Variants in POU6F2 observed in about 807,000 individuals in gnomAD.
POU6F2 encodes POU class 6 homeobox 2, also known as POU domain, class 6, transcription factor 2.
POU6F2 carries 31 observed loss-of-function variants against 71.3 expected under a neutral mutation model. That is an observed-to-expected ratio of 0.43 (90% confidence interval 0.33 to 0.59). The LOEUF (loss-of-function observed/expected upper bound fraction) is 0.59. POU6F2 is among the 20% of genes least tolerant of loss of function. The pLI is 0.04. For missense variants in POU6F2, 783 were observed against 856.8 expected, an observed-to-expected ratio of 0.91 and a Z score of 1.07; for synonymous variants, 347 against 355.7, an observed-to-expected ratio of 0.98 and a Z score of 0.27.
At chr7:39,013,322 C>G (rs1043298420) in intron 1 of POU6F2, 2 of 152,312 alleles carry the variant, frequency 1.3e-5, no homozygotes, top group African/African-American at 4.8e-5. Flanking sequence ...TTCTTTGACT[C>G]GGAAAGGGAA....
intron 1 of POU6F2, among the ~76,000 whole-genome samples, chr7:39,002,958 T>C (rs1474377031): frequency 6.6e-6 from 1 of 152,240 alleles, no homozygotes; most frequent in Non-Finnish European, 1.5e-5. Flanking sequence ...TGCTGTTAGT[T>C]ATACTAAGAC....
intron 4 of POU6F2, among the ~76,000 whole-genome samples, chr7:39,235,023 C>A (rs374244817): frequency 6.6e-6 from 1 of 152,182 alleles, no homozygotes. Flanking sequence ...GCGTTTGTAG[C>A]GCCTTGTAGA....
At chr7:39,365,665 G>A (rs6979897) in intron 5 of POU6F2, among the ~76,000 whole-genome samples, 29,764 of 151,904 alleles carry the variant, frequency 0.2, 3,443 homozygotes, top group East Asian at 0.59. Context: ...CAGAATCTAC[G>A]ATGCACTCAA....
intron 4 of POU6F2, among the ~76,000 whole-genome samples, chr7:39,250,493 T>C (rs1280423784): frequency 6.6e-6 from 1 of 152,244 alleles, no homozygotes; most frequent in East Asian, 1.9e-4. Context: ...AATAGCCACC[T>C]TCCATTTAAC....
chr7:38,986,503 C>T (rs901294532), intron 1 of POU6F2, among the ~76,000 whole-genome samples: 2 of 152,108 alleles, frequency 1.3e-5, no homozygotes, highest in Non-Finnish European at 2.9e-5. Context: ...TTGCTTTCTC[C>T]CTTTCTACCT....
intron 4 of POU6F2, among the ~76,000 whole-genome samples, chr7:39,330,065 C>A (rs1256071483): frequency 2.6e-5 from 4 of 152,146 alleles, no homozygotes; most frequent in Non-Finnish European, 4.4e-5. Flanking sequence ...CTCAGCCATC[C>A]TCCTCTCCAC....
intron 1 of POU6F2, among the ~76,000 whole-genome samples, chr7:39,064,953 T>C (rs1790728128): frequency 6.6e-6 from 1 of 151,882 alleles, no homozygotes; most frequent in African/African-American, 2.4e-5. Context: ...AATGCGAAGT[T>C]GATTAAAAAC....
intron 5 of POU6F2, among the ~76,000 whole-genome samples, chr7:39,367,860 G>C (rs967499289): frequency 1.3e-5 from 2 of 152,160 alleles, no homozygotes; most frequent in African/African-American, 4.8e-5. Context: ...ATGGTGATCT[G>C]TGGGCAGTGA....
intron 1 of POU6F2, among the ~76,000 whole-genome samples, chr7:39,011,781 G>A (rs1184184556): frequency 6.7e-6 from 1 of 148,214 alleles, no homozygotes; most frequent in African/African-American, 2.5e-5. Flanking sequence ...CTTCACTTAT[G>A]AAGCTTAGTT....
chr7:39,398,448 T>C (rs944290669), intron 5 of POU6F2, among the ~76,000 whole-genome samples: 1 of 151,582 alleles, frequency 6.6e-6, no homozygotes, highest in Non-Finnish European at 1.5e-5. Context: ...GTTCCTACAA[T>C]GATCAAATCA....
intron 5 of POU6F2, among the ~76,000 whole-genome samples, chr7:39,352,696 A>G (rs1583544919): frequency 6.6e-6 from 1 of 152,260 alleles, no homozygotes; most frequent in Middle Eastern, 3.4e-3. Flanking sequence ...TTTACTTTAT[A>G]ATAATTGGAA....
intron 8 of POU6F2, among the ~76,000 whole-genome samples, chr7:39,456,764 G>A (rs1348927266): frequency 1.3e-5 from 2 of 152,212 alleles, no homozygotes; most frequent in African/African-American, 4.8e-5. Context: ...GCAGAGAGAT[G>A]CTACTTTGTC....
In POU6F2 at chr7:39,466,643, C is replaced by T. The variant is rs1011788368; in HGVS notation, c.*1957C>T. 2.0e-5 allele frequency: 3 copies of T among 152,204 alleles called. No individual in the cohort carries two copies. Among genetic ancestry groups the T allele is most frequent in the Non-Finnish European group, 4.4e-5 (3 of 68,048 alleles). 9.4% of individuals were successfully genotyped at this position (152,204 alleles called of 1,614,324 possible). On this transcript the variant is annotated 3_prime_UTR_variant, in exon 10 of 10. Coordinates refer to ENST00000518318, the MANE Select transcript of POU6F2 (RefSeq NM_001370959.1). ...GAGTTTGAGTTTCTTCTGTTGGCTC[C>T]TTTGCTGTTTGTGTAAATGCTACAG...
intron 4 of POU6F2, among the ~76,000 whole-genome samples, chr7:39,247,553 A>G (rs73126474): frequency 0.13 from 19,745 of 152,176 alleles, 1,309 homozygotes; most frequent in African/African-American, 0.16. Context: ...AAGTTTTCTT[A>G]GTGTCATATG....
intron 6 of POU6F2, among the ~76,000 whole-genome samples, chr7:39,413,300 C>T (rs981886483): frequency 2.6e-5 from 4 of 152,100 alleles, no homozygotes; most frequent in Non-Finnish European, 5.9e-5. Flanking sequence ...TTTCCATGCA[C>T]GTTCTGCATT....
intron 2 of POU6F2, among the ~76,000 whole-genome samples, chr7:39,196,750 C>T (rs533068809): frequency 6.6e-6 from 1 of 151,478 alleles, no homozygotes; most frequent in East Asian, 1.9e-4. Context: ...CAGAGCGAGA[C>T]TCCATCTCAA....
In POU6F2 at chr7:39,207,567, T is replaced by C. The variant is rs757831655; in HGVS notation, c.545T>C (p.Val182Ala). 1.2e-5 allele frequency: 20 copies of C among 1,613,950 alleles called. No individual in the cohort carries two copies. The South Asian group carries it at 1.5e-4, about 12-fold the overall frequency. Residue 182 changes from valine (V) to alanine (A), a missense_variant, in exon 4 of 10, where the codon GTG (valine) becomes GCG (alanine). By Grantham distance (64) the Val-to-Ala change is moderately conservative. Around this residue, in one of 2 missense-constraint regions of POU6F2, gnomAD observed 572 missense variants for 572.9 expected, o/e 1.00. Coordinates refer to ENST00000518318, the MANE Select transcript of POU6F2 (RefSeq NM_001370959.1). ...TANLTNIQGL[V>A]AAAAAGGIMT... ...AATCTCACCAACATCCAAGGGCTGG[T>C]GGCAGCAGCTGCAGCCGGAGGCATT...
At chr7:39,033,689 C>T (rs536407624) in intron 1 of POU6F2, among the ~76,000 whole-genome samples, 2 of 152,260 alleles carry the variant, frequency 1.3e-5, no homozygotes, top group South Asian at 4.2e-4. Flanking sequence ...GGGGACTGCC[C>T]GGGAAGTTGA....
At chr7:39,368,207 C>T (rs1327205081) in intron 5 of POU6F2, among the ~76,000 whole-genome samples, 10 of 152,122 alleles carry the variant, frequency 6.6e-5, no homozygotes. Flanking sequence ...TACCAGTTAG[C>T]CAAGTTGTGA....
Sources: gnomAD v4.1 joint callset for allele counts (sites outside exome capture counted in the v4.1 genomes callset) on GRCh38, gnomAD v4.1.1 for gene constraint, gnomAD v4.1.1 regional missense constraint, MANE v1.5 for transcripts, NCBI Gene and HGNC (gene_info 2026-07-23, HGNC 2026-07-21) for gene names.